The following CLCN5 variants were observed in gnomAD, a reference collection of about 807,000 sequenced individuals.
CLCN5 encodes the protein H(+)/Cl(-) exchange transporter 5.
In CLCN5, 17 loss-of-function variants were observed where a neutral mutation model predicts 54.0. The observed-to-expected ratio is 0.31, with a 90% CI of 0.22 to 0.47. The LOEUF is 0.47. Ranked by LOEUF, CLCN5 falls within the 20% of genes least tolerant of loss-of-function variation. The probability of loss-of-function intolerance (pLI) is 1.00; values close to 1 mark genes in which losing one functional copy is unlikely to be tolerated. For missense variants in CLCN5, 448 were observed against 646.7 expected (o/e 0.69, Z 3.33); for synonymous variants, 222 against 233.0 (o/e 0.95, Z 0.43).
rs1422266990 is a variant in CLCN5 at position 50,095,631 on chromosome X, G to GCATA, written c.*3414_*3417dup. The GCATA allele has an allele frequency of 1.8e-5, 2 of 112,819 alleles. No individual in the cohort carries two copies. Among genetic ancestry groups the GCATA allele is most frequent in the Non-Finnish European group, 3.7e-5 (2 of 53,369 alleles). 9.3% of individuals were successfully genotyped at this position (112,819 alleles called of 1,213,427 possible). On this transcript the variant is annotated 3_prime_UTR_variant, in exon 15 of 15. Coordinates refer to ENST00000376091, the MANE Select transcript of CLCN5 (RefSeq NM_001127898.4). ...CTAAACCCTTTACAGGAAGAGCAGAGCATACTATACATTTCTTAGCAGATC... is the reference window on the plus strand; with the variant it reads ...CTAAACCCTTTACAGGAAGAGCAGAGCATACATACTATACATTTCTTAGCAGATC...
chrX:50,026,414 G>A (rs113038216), intron 3 of CLCN5, among the ~76,000 whole-genome samples: 13,354 of 111,273 alleles, frequency 0.12, 1,971 homozygotes, highest in African/African-American at 0.42. Context: ...CGGTTTACCT[G>A]TGTCTTTACT....
intron 3 of CLCN5, among the ~76,000 whole-genome samples, chrX:49,963,099 G>A (rs954189338): frequency 8.9e-6 from 1 of 112,065 alleles, no homozygotes; most frequent in African/African-American, 3.2e-5. Context: ...GTAAGAACAA[G>A]TGACTCTGGG....
chrX:50,053,349 A>G (rs1932650399), intron 4 of CLCN5, among the ~76,000 whole-genome samples: 1 of 111,167 alleles, frequency 9.0e-6, no homozygotes, highest in Admixed American at 9.6e-5. Context: ...TATCCTTTTA[A>G]TGTCTGAGAG....
intron 3 of CLCN5, among the ~76,000 whole-genome samples, chrX:50,018,539 A>C (rs1930902845): frequency 8.9e-6 from 1 of 111,878 alleles, no homozygotes; most frequent in Non-Finnish European, 1.9e-5. Context: ...CTTTTTGCTA[A>C]TGTTGCTGGA....
chrX:50,003,742 A>T (rs1930004880), intron 3 of CLCN5, among the ~76,000 whole-genome samples: 1 of 111,778 alleles, frequency 8.9e-6, no homozygotes, highest in Non-Finnish European at 1.9e-5. Context: ...GGAGAGGGAG[A>T]CTTCTCTTAG....
chrX:50,086,357 G>T lies in CLCN5; in HGVS notation c.1044G>T (p.Leu348Phe). 8.3e-7 allele frequency: 1 copy of T among 1,210,404 alleles called. No individual in the cohort carries two copies. The highest frequency in any genetic ancestry group is 1.1e-6 in the Non-Finnish European group (1 of 894,805). ...EVSYYFPLKT[L>F]WRSFFAALVA... The stretch of plus-strand genomic sequence containing the variant: ...GCTACTATTTTCCCCTCAAAACATT[G>T]TGGCGTTCATTCTTTGCTGCCTTGG... The change falls in exon 11 of 15, where the codon TTG becomes TTT. Residue 348 changes from leucine to phenylalanine, a missense_variant. By Grantham distance (22) the Leu-to-Phe change is conservative (BLOSUM62 0). This residue lies in a region of CLCN5 where 297 missense variants were observed against 470.4 expected (regional missense o/e 0.63). Transcript: ENST00000376091.
At chrX:49,923,017 G>C (rs1442414503) in intron 1 of CLCN5, among the ~76,000 whole-genome samples, 2 of 113,114 alleles carry the variant, frequency 1.8e-5, no homozygotes, top group Non-Finnish European at 3.7e-5. Flanking sequence ...CTTCCCGGGA[G>C]CCCAGCCCTG....
chrX:49,938,424 C>T (rs1245390580), intron 3 of CLCN5, among the ~76,000 whole-genome samples: 2 of 111,725 alleles, frequency 1.8e-5, no homozygotes, highest in Admixed American at 9.5e-5. Flanking sequence ...CAGTATGGTA[C>T]TGGTACCAAA....
Position 49,944,535 on chromosome X carries a change from G to A in CLCN5, c.16+19221G>A, listed in dbSNP as rs781867303. Among the ~76,000 whole-genome samples, 14 of 111,882 alleles carry A rather than the reference G, an allele frequency of 1.3e-4. No individual in the cohort carries two copies. In the Admixed American group the frequency reaches 1.3e-3, roughly 11 times the overall value. On this transcript the variant is annotated intron_variant, in intron 3 of 14. Coordinates refer to ENST00000376091, the MANE Select transcript of CLCN5 (RefSeq NM_001127898.4). ...TTGCCCATTCAGTATGATATTGGCT[G>A]TGGGTTTCTCATAAATAGCTCTTAT... is the stretch of plus-strand genomic sequence containing the variant.
chrX:49,939,127 G>C (rs1557170258), intron 3 of CLCN5, among the ~76,000 whole-genome samples: 1 of 111,794 alleles, frequency 8.9e-6, no homozygotes, highest in Non-Finnish European at 1.9e-5. Flanking sequence ...TCATTAAAAA[G>C]TCAGGAAACA....
chrX:50,067,780 A>G (rs782725202), intron 4 of CLCN5: 19 of 718,370 alleles, frequency 2.6e-5, no homozygotes, highest in Non-Finnish European at 3.0e-5. Flanking sequence ...CTTGAGCCTG[A>G]CCAAGGACTG....
intron 3 of CLCN5, among the ~76,000 whole-genome samples, chrX:49,935,560 A>G (rs1925907846): frequency 8.9e-6 from 1 of 111,968 alleles, no homozygotes; most frequent in Admixed American, 9.5e-5. Context: ...TGTGAGTACT[A>G]GAAAAGTCAA....
intron 9 of CLCN5, among the ~76,000 whole-genome samples, chrX:50,083,863 G>A (rs1933796320): frequency 8.9e-6 from 1 of 112,020 alleles, no homozygotes; most frequent in Admixed American, 9.5e-5. Context: ...TGCTGGTTTT[G>A]CATGGATGAA....
rs781789376 is a variant in CLCN5 at position 50,019,382 on chromosome X, A to C, written c.17-22934A>C. ...GACATTTTAATACATACAATGTATC[A>C]CAATCAGATCACGGTATTATTTTGT... On this transcript the variant is annotated intron_variant, in intron 3 of 14. Coordinates refer to ENST00000376091, the MANE Select transcript of CLCN5 (RefSeq NM_001127898.4). Among the ~76,000 whole-genome samples, 6 of 109,129 alleles carry C rather than the reference A, an allele frequency of 5.5e-5. No individual in the cohort carries two copies. The South Asian group carries it at 2.4e-3, about 44-fold the overall frequency. The allele number at this position is 109,129 out of a possible 115,157, so 94.8% of individuals were successfully genotyped here. A position where few individuals can be genotyped will look rare whatever the true frequency, so the allele number is the denominator to read the frequency against.
intron 4 of CLCN5, among the ~76,000 whole-genome samples, chrX:50,045,273 G>A (rs1557187661): frequency 9.0e-6 from 1 of 111,572 alleles, no homozygotes; most frequent in Non-Finnish European, 1.9e-5. Flanking sequence ...GGTACTCATG[G>A]TATAGTAGTT....
intron 12 of CLCN5, among the ~76,000 whole-genome samples, chrX:50,089,324 A>G (rs1290976392): frequency 8.9e-6 from 1 of 112,236 alleles, no homozygotes; most frequent in African/African-American, 3.2e-5. Flanking sequence ...ATAAATTTGT[A>G]ATAATATGCA....
intron 3 of CLCN5, among the ~76,000 whole-genome samples, chrX:49,983,193 G>A (rs1380535923): frequency 2.7e-5 from 3 of 112,013 alleles, no homozygotes; most frequent in African/African-American, 9.7e-5. Context: ...GTACAAGATG[G>A]AAGATGAGAG....
intron 3 of CLCN5, among the ~76,000 whole-genome samples, chrX:50,036,773 T>C (rs1932017005): frequency 8.9e-6 from 1 of 112,081 alleles, no homozygotes; most frequent in Non-Finnish European, 1.9e-5. Context: ...GAATTCTGCA[T>C]TACTTTGCAA....
intron 3 of CLCN5, among the ~76,000 whole-genome samples, chrX:50,040,560 A>G (rs1932176829): frequency 8.9e-6 from 1 of 112,246 alleles, no homozygotes; most frequent in African/African-American, 3.2e-5. Context: ...TTAAATTGAC[A>G]TATAATTGTA....
Sources: allele counts gnomAD v4.1 joint callset (sites outside exome capture counted in the v4.1 genomes callset), GRCh38; gene constraint gnomAD v4.1.1; regional missense constraint gnomAD v4.1.1; transcripts MANE v1.5; gene names NCBI Gene and HGNC (gene_info 2026-07-23, HGNC 2026-07-21).